Variants in NRG1 observed in about 807,000 individuals in gnomAD.
NRG1 encodes pro-neuregulin-1, membrane-bound isoform.
NRG1 carries 18 observed loss-of-function variants against 63.8 expected under a neutral mutation model. The ratio of observed to expected loss-of-function variants is 0.28; its 90% CI spans 0.19 to 0.42. NRG1 has a LOEUF of 0.42. NRG1 is among the 10% of genes least tolerant of loss of function. The pLI is 1.00. For synonymous variants in NRG1, 302 were observed against 301.3 expected (o/e 1.00, Z -0.02); for missense variants, 762 against 814.7 (o/e 0.94, Z 0.79).
intron 1 of NRG1, among the ~76,000 whole-genome samples, chr8:32,165,069 A>G (rs1046706283): frequency 2.6e-5 from 4 of 152,186 alleles, no homozygotes; most frequent in African/African-American, 9.6e-5. Context: ...TTTTATTTCT[A>G]CAATTGCACA....
intron 5 of NRG1, among the ~76,000 whole-genome samples, chr8:32,655,410 T>C (rs1203969551): frequency 1.3e-5 from 2 of 152,208 alleles, no homozygotes. Flanking sequence ...AATGGGGATG[T>C]TAACATCTAA....
intron 1 of NRG1, among the ~76,000 whole-genome samples, chr8:32,593,511 AG>A (rs897934098): frequency 2.9e-5 from 2 of 69,446 alleles, no homozygotes; most frequent in Admixed American, 1.7e-4. Flanking sequence ...ACAGTTAGCC[AG>A]GGGTGGTATC....
At chr8:32,063,686 A>G (rs1285821368) in intron 1 of NRG1, among the ~76,000 whole-genome samples, 1 of 152,130 alleles carries the variant, frequency 6.6e-6, no homozygotes, top group Non-Finnish European at 1.5e-5. Context: ...TCATGTATTA[A>G]TTTAAGATCT....
At chr8:31,915,892 T>C (rs1030606953) in intron 1 of NRG1, among the ~76,000 whole-genome samples, 2 of 152,144 alleles carry the variant, frequency 1.3e-5, no homozygotes. Context: ...AATTATTTTT[T>C]AAGAAACATG....
intron 1 of NRG1, 46 bp from the exon 2 acceptor site, chr8:32,595,782 T>G (rs771966237): frequency 6.5e-7 from 1 of 1,546,034 alleles, no homozygotes; most frequent in Non-Finnish European, 8.8e-7. Flanking sequence ...CTTTGAAAGA[T>G]TGCCTGGTGA....
intron 1 of NRG1, among the ~76,000 whole-genome samples, chr8:32,226,117 A>G (rs1423922346): frequency 6.6e-6 from 1 of 152,218 alleles, no homozygotes; most frequent in Non-Finnish European, 1.5e-5. Context: ...GAATCTGCAG[A>G]GAGAATATTT....
intron 1 of NRG1, among the ~76,000 whole-genome samples, chr8:32,570,813 A>G (rs1247323816): frequency 6.6e-6 from 1 of 152,196 alleles, no homozygotes; most frequent in Non-Finnish European, 1.5e-5. Context: ...TTAGGTAATC[A>G]ATACTAAGAT....
intron 1 of NRG1, among the ~76,000 whole-genome samples, chr8:31,921,013 G>A (rs1359305508): frequency 3.3e-5 from 5 of 152,120 alleles, no homozygotes; most frequent in Admixed American, 6.6e-5. Context: ...AGTAAAAGCA[G>A]ATGACATGCT....
chr8:31,958,099 G>GA (rs1285732873), intron 1 of NRG1, among the ~76,000 whole-genome samples: 11 of 80,930 alleles, frequency 1.4e-4, no homozygotes, highest in Non-Finnish European at 2.6e-4. Context: ...AGATAGATAG[G>GA]CAGAGATGTT....
At chr8:32,318,584 G>C (rs1456766767) in intron 1 of NRG1, among the ~76,000 whole-genome samples, 1 of 152,094 alleles carries the variant, frequency 6.6e-6, no homozygotes, top group East Asian at 1.9e-4. Flanking sequence ...TTGCTACCCT[G>C]CTTTGAGTTA....
intron 1 of NRG1, among the ~76,000 whole-genome samples, chr8:31,800,233 G>A (rs1821627426): frequency 6.6e-6 from 1 of 152,080 alleles, no homozygotes; most frequent in South Asian, 2.1e-4. Context: ...ATTTTCATAG[G>A]AAAATATTCT....
At chr8:31,804,823 C>T (rs1190555855) in intron 1 of NRG1, among the ~76,000 whole-genome samples, 1 of 152,158 alleles carries the variant, frequency 6.6e-6, no homozygotes, top group Non-Finnish European at 1.5e-5. Context: ...AAAATGCCTT[C>T]ATAGCAACAC....
At chr8:32,704,558 G>T (rs1274879268) in intron 5 of NRG1, among the ~76,000 whole-genome samples, 5 of 152,144 alleles carry the variant, frequency 3.3e-5, no homozygotes, top group Non-Finnish European at 4.4e-5. Flanking sequence ...TTAAAAATCT[G>T]TATGAAAAAG....
intron 1 of NRG1, among the ~76,000 whole-genome samples, chr8:32,562,246 G>A (rs1465604135): frequency 6.6e-6 from 1 of 152,006 alleles, no homozygotes; most frequent in East Asian, 1.9e-4. Flanking sequence ...CTGATTCCCA[G>A]CCAGTCATGG....
At chr8:31,830,930 C>A (rs1825090708) in intron 1 of NRG1, among the ~76,000 whole-genome samples, 1 of 152,104 alleles carries the variant, frequency 6.6e-6, no homozygotes, top group Non-Finnish European at 1.5e-5. Flanking sequence ...GCTGTGGCTT[C>A]ACTCAACTTC....
At chr8:32,471,010 A>G (rs199618321) in intron 1 of NRG1, among the ~76,000 whole-genome samples, 95 of 152,022 alleles carry the variant, frequency 6.2e-4, no homozygotes, top group Admixed American at 2.0e-3. Context: ...TCTATGTTGC[A>G]TTTCTGGTCT....
At chr8:32,764,448 T>A in exon 12 of NRG1, 6 of 1,379,324 alleles carry the variant, frequency 4.3e-6, no homozygotes, top group Non-Finnish European at 3.9e-6. Context: ...TTATTTTATA[T>A]AATAAAGTAT....
intron 1 of NRG1, among the ~76,000 whole-genome samples, chr8:31,816,043 C>T (rs1586609433): frequency 6.6e-6 from 1 of 152,092 alleles, no homozygotes; most frequent in Admixed American, 6.6e-5. Context: ...TAGGAGTTCT[C>T]TATATATTCT....
intron 5 of NRG1, among the ~76,000 whole-genome samples, chr8:32,621,004 G>A (rs1301122980): frequency 2.0e-5 from 3 of 151,980 alleles, no homozygotes; most frequent in African/African-American, 7.3e-5. Flanking sequence ...AATCATTCTT[G>A]ACTGGAGGTT....
Sources: allele counts gnomAD v4.1 joint callset (sites outside exome capture counted in the v4.1 genomes callset), GRCh38; gene constraint gnomAD v4.1.1; transcripts MANE v1.5; gene names NCBI Gene and HGNC (gene_info 2026-07-23, HGNC 2026-07-21).